The following PREX2 variants were observed in gnomAD, a reference collection of about 807,000 sequenced individuals.
The protein encoded by PREX2 is phosphatidylinositol-3,4,5-trisphosphate dependent Rac exchange factor 2.
PREX2 carries 107 observed loss-of-function variants against 203.2 expected under a neutral mutation model. The ratio of observed to expected loss-of-function variants is 0.53; its 90% CI spans 0.45 to 0.62. PREX2 has a LOEUF of 0.62. PREX2 is among the 20% of genes least tolerant of loss of function. The pLI is 0.00. For synonymous variants in PREX2, 672 were observed against 663.6 expected (o/e 1.01, Z -0.19); for missense variants, 1,777 against 1,955.9 (o/e 0.91, Z 1.72).
intron 6 of PREX2, among the ~76,000 whole-genome samples, chr8:68,034,803 G>T (rs942080614): frequency 3.3e-5 from 5 of 152,126 alleles, no homozygotes; most frequent in Non-Finnish European, 7.4e-5. Context: ...TTTCATGGAT[G>T]TGAGTCTTCC....
intron 1 of PREX2, chr8:67,952,853 T>TC (rs2129016217): frequency 4.2e-6 from 2 of 472,922 alleles, no homozygotes; most frequent in Non-Finnish European, 7.7e-6. Context: ...TTTACCCGCC[T>TC]CCCCAGTCTG....
chr8:68,039,341 C>T (rs1030951384), intron 7 of PREX2, among the ~76,000 whole-genome samples: 2 of 152,106 alleles, frequency 1.3e-5, no homozygotes, highest in Non-Finnish European at 1.5e-5. Context: ...GTTTTTGTAG[C>T]AGCCTGTAAC....
intron 1 of PREX2, among the ~76,000 whole-genome samples, chr8:67,962,590 G>A (rs2129017550): frequency 6.8e-6 from 1 of 146,100 alleles, no homozygotes; most frequent in South Asian, 2.2e-4. Flanking sequence ...AAATATATTT[G>A]TATTTATATA....
chr8:68,217,862 C>A, intron 38 of PREX2, 144 bp downstream of exon 38: 1 of 498,976 alleles, frequency 2.0e-6, no homozygotes, highest in Admixed American at 3.5e-5. Flanking sequence ...ATGAGAAATG[C>A]TCCCAGGGAG....
At chr8:68,188,900 A>G (rs1022658792) in intron 35 of PREX2, among the ~76,000 whole-genome samples, 5 of 152,248 alleles carry the variant, frequency 3.3e-5, no homozygotes, top group Non-Finnish European at 7.3e-5. Context: ...TTATTTATTT[A>G]CAAATATTTA....
At chr8:68,116,775 T>A (rs138162511) in intron 26 of PREX2, among the ~76,000 whole-genome samples, 1 of 152,316 alleles carries the variant, frequency 6.6e-6, no homozygotes, top group African/African-American at 2.4e-5. Flanking sequence ...TAAAGTCACA[T>A]TCTGAGGTAC....
In PREX2 at chr8:68,185,462, C is replaced by T. The variant is rs376466012; in HGVS notation, c.4347-6260C>T. Reference sequence around the variant, plus strand: ...TTGACCTGTCAGAATTCTACCCATGCGTCAAAGTCTAACTCCTATGCCATA... The same window carrying T: ...TTGACCTGTCAGAATTCTACCCATGTGTCAAAGTCTAACTCCTATGCCATA... On this transcript the variant is annotated intron_variant, in intron 35 of 39. Transcript: ENST00000288368. Among the ~76,000 whole-genome samples the T allele has an allele frequency of 5.9e-5, 9 of 152,254 alleles. No homozygotes were observed. The East Asian group carries it at 1.4e-3, about 23-fold the overall frequency.
At chr8:68,053,893 G>A (rs1434772) in intron 9 of PREX2, among the ~76,000 whole-genome samples, 150,847 of 152,338 alleles carry the variant, frequency 0.99, 74,684 homozygotes, top group East Asian at 1. Flanking sequence ...TGGCCTGGCT[G>A]TATTCACTTG....
intron 32 of PREX2, among the ~76,000 whole-genome samples, chr8:68,135,099 T>G (rs28759032): frequency 5.4e-5 from 8 of 148,896 alleles, no homozygotes; most frequent in Admixed American, 2.7e-4. Flanking sequence ...AAAACAAATT[T>G]TGTGTGTGTG....
chr8:68,016,096 T>C (rs996410650), intron 1 of PREX2, among the ~76,000 whole-genome samples: 6 of 152,202 alleles, frequency 3.9e-5, no homozygotes, highest in African/African-American at 1.4e-4. Context: ...TTATTTTAAA[T>C]AGTCTTGTTC....
chr8:68,076,813 G>A (rs1168794424), intron 14 of PREX2, among the ~76,000 whole-genome samples: 6 of 149,922 alleles, frequency 4.0e-5, no homozygotes, highest in African/African-American at 7.4e-5. Flanking sequence ...TGCTTTGGGC[G>A]CTTTTGTTGG....
At chr8:68,023,644 C>G (rs1807631892) in intron 4 of PREX2, among the ~76,000 whole-genome samples, 1 of 151,906 alleles carries the variant, frequency 6.6e-6, no homozygotes, top group Admixed American at 6.6e-5. Flanking sequence ...TTACATTTTT[C>G]TCTGTTATGA....
At chr8:68,224,145 A>C (rs1225448120) in intron 38 of PREX2, among the ~76,000 whole-genome samples, 3 of 151,962 alleles carry the variant, frequency 2.0e-5, no homozygotes, top group African/African-American at 7.3e-5. Context: ...TAGCCTTTCG[A>C]GTAGCTGGGA....
intron 37 of PREX2, among the ~76,000 whole-genome samples, chr8:68,202,530 C>T (rs1180308051): frequency 6.6e-6 from 1 of 152,052 alleles, no homozygotes; most frequent in Non-Finnish European, 1.5e-5. Context: ...AGGACGGAGG[C>T]AGGGAGACAG....
At chr8:68,090,453 T>C (rs1809835149) in intron 19 of PREX2, 126 bp from the exon 20 acceptor site, 1 of 806,294 alleles carries the variant, frequency 1.2e-6, no homozygotes, top group Non-Finnish European at 1.8e-6. Flanking sequence ...CAGAACCAAG[T>C]TTATCAAGAT....
intron 34 of PREX2, among the ~76,000 whole-genome samples, chr8:68,152,289 GAAAAAA>G (rs573525316): frequency 1.5e-4 from 11 of 72,920 alleles, no homozygotes; most frequent in Non-Finnish European, 2.4e-4. Flanking sequence ...CCCTCTCAGA[GAAAAAA>G]AAAAAAAAAA....
At chr8:68,139,624 A>G (rs1811185776) in intron 33 of PREX2, among the ~76,000 whole-genome samples, 1 of 152,248 alleles carries the variant, frequency 6.6e-6, no homozygotes, top group African/African-American at 2.4e-5. Flanking sequence ...GTGATCAGTT[A>G]GAAAGCTACC....
At chr8:68,117,552 A>C (rs1385153058) in intron 26 of PREX2, among the ~76,000 whole-genome samples, 1 of 152,170 alleles carries the variant, frequency 6.6e-6, no homozygotes, top group Non-Finnish European at 1.5e-5. Flanking sequence ...TCTTACCTCA[A>C]GTTCTAGTTA....
chr8:67,988,981 G>A (rs1412983845), intron 1 of PREX2, among the ~76,000 whole-genome samples: 1 of 152,162 alleles, frequency 6.6e-6, no homozygotes, highest in Non-Finnish European at 1.5e-5. Flanking sequence ...CCAAGCACGT[G>A]TATTGGCCAG....
Sources: allele counts gnomAD v4.1 joint callset (sites outside exome capture counted in the v4.1 genomes callset), GRCh38; gene constraint gnomAD v4.1.1; transcripts MANE v1.5; gene names NCBI Gene and HGNC (gene_info 2026-07-23, HGNC 2026-07-21).